TLCD4: variants seen among roughly 807,000 people sequenced by gnomAD.
TLCD4 encodes the protein TLC domain containing 4.
Under a neutral mutation model 24.2 loss-of-function variants are expected in TLCD4, and 7 were observed. That is an observed-to-expected ratio of 0.29 (90% CI 0.16 to 0.54). The LOEUF (loss-of-function observed/expected upper bound fraction) is 0.54, where lower values mean the gene tolerates loss of function less well. Among genes scored for constraint, TLCD4 ranks in the 20% least tolerant of loss-of-function variants. The pLI, the probability that TLCD4 is intolerant of heterozygous loss-of-function variation, is 0.95. For synonymous variants in TLCD4, 103 were observed against 106.4 expected (o/e 0.97, Z 0.20); for missense variants, 259 against 313.9 (o/e 0.82, Z 1.32).
intron 1 of TLCD4, among the ~76,000 whole-genome samples, chr1:95,123,917 A>G (rs1571722043): frequency 6.6e-6 from 1 of 152,288 alleles, no homozygotes; most frequent in African/African-American, 2.4e-5. Flanking sequence ...CATACTGCTT[A>G]TTTTATAATT....
intron 5 of TLCD4, 47 bp downstream of exon 5, chr1:95,151,466 A>G (rs767845917): frequency 1.6e-5 from 26 of 1,589,098 alleles, no homozygotes; most frequent in Non-Finnish European, 2.1e-5. Flanking sequence ...CAAGATTGGG[A>G]ATAGTGATGT....
At chr1:95,189,169 C>T (rs1678939089) in intron 6 of TLCD4, among the ~76,000 whole-genome samples, 1 of 152,104 alleles carries the variant, frequency 6.6e-6, no homozygotes, top group Non-Finnish European at 1.5e-5. Flanking sequence ...TTTGTTCAGT[C>T]CTGATATACA....
At chr1:95,130,293 C>T (rs938858900) in intron 1 of TLCD4, among the ~76,000 whole-genome samples, 2 of 147,944 alleles carry the variant, frequency 1.4e-5, no homozygotes, top group Admixed American at 6.8e-5. Context: ...GCTGGGACTA[C>T]AGGCACGTGC....
In TLCD4 at chr1:95,143,999, A is replaced by C; in HGVS notation, c.98A>C (p.Lys33Thr). The change falls in exon 2 of 7, where the codon AAA becomes ACA. Residue 33 changes from lysine (K) to threonine (T), a missense_variant. Physicochemically the swap from Lys to Thr is moderately conservative, Grantham distance 78. Coordinates refer to ENST00000370203, the MANE Select transcript of TLCD4 (RefSeq NM_152487.3). ...TTTGTAAGTTACTGGTTTTCAGCAA[A>C]AGTTTCTCCAGGTTTCAATAGTCTC... ...FYFVSYWFSA[K>T]VSPGFNSLSF... 3 of 1,573,454 alleles carry C rather than the reference A, an allele frequency of 1.9e-6. No individual in the cohort carries two copies. Among genetic ancestry groups the C allele is most frequent in the Non-Finnish European group, 2.6e-6 (3 of 1,160,756 alleles).
chr1:95,130,245 C>T (rs952978687), intron 1 of TLCD4, among the ~76,000 whole-genome samples: 2 of 152,040 alleles, frequency 1.3e-5, no homozygotes, highest in African/African-American at 2.4e-5. Context: ...CTCCGCCTCC[C>T]AGGTTCAAGG....
chr1:95,182,092 A>C (rs751613961), intron 6 of TLCD4, among the ~76,000 whole-genome samples: 2 of 152,238 alleles, frequency 1.3e-5, no homozygotes, highest in African/African-American at 4.8e-5. Flanking sequence ...GAGGCTGTCA[A>C]GCTCACAGTT....
chr1:95,116,444 G>C, upstream of TLCD4, among the ~76,000 whole-genome samples: 1 of 152,172 alleles, frequency 6.6e-6, no homozygotes, highest in Admixed American at 6.6e-5. Flanking sequence ...GATCAAATAT[G>C]TTAGCTCTAT....
intron 5 of TLCD4, among the ~76,000 whole-genome samples, chr1:95,163,035 T>C (rs934210791): frequency 6.6e-6 from 1 of 152,146 alleles, no homozygotes; most frequent in African/African-American, 2.4e-5. Flanking sequence ...TTTCCTGAAT[T>C]TGAATGTTGG....
chr1:95,152,696 G>A (rs1677523429), intron 5 of TLCD4, among the ~76,000 whole-genome samples: 1 of 152,100 alleles, frequency 6.6e-6, no homozygotes, highest in Admixed American at 6.6e-5. Context: ...GTAATTTAGA[G>A]CTTAATGAAT....
chr1:95,095,692 G>A, the TLCD4 span, among the ~76,000 whole-genome samples: 3 of 151,964 alleles, frequency 2.0e-5, no homozygotes, highest in African/African-American at 2.4e-5. Flanking sequence ...CCACCGCGCC[G>A]GCACCTCTTT....
chr1:95,157,614 A>G (rs1211303200), intron 5 of TLCD4, among the ~76,000 whole-genome samples: 1 of 152,258 alleles, frequency 6.6e-6, no homozygotes, highest in Non-Finnish European at 1.5e-5. Context: ...TTGACGTCTC[A>G]TGTGGGTGCT....
At chr1:95,160,610 T>C (rs1340799885) in intron 5 of TLCD4, among the ~76,000 whole-genome samples, 8 of 152,330 alleles carry the variant, frequency 5.3e-5, no homozygotes, top group African/African-American at 1.7e-4. Context: ...TGCTTCCAGT[T>C]TTTGCCCATT....
intron 1 of TLCD4, chr1:95,125,665 C>T (rs747151697): frequency 1.3e-4 from 20 of 152,202 alleles, no homozygotes; most frequent in Non-Finnish European, 2.5e-4. Context: ...TTAGAAACTC[C>T]TTGGCTGTCT....
intron 6 of TLCD4, among the ~76,000 whole-genome samples, chr1:95,187,786 G>T (rs1678876771): frequency 6.6e-6 from 1 of 152,000 alleles, no homozygotes; most frequent in South Asian, 2.1e-4. Context: ...AGTCTGGGTG[G>T]CTTAAATAAC....
At chr1:95,111,913 A>G in the TLCD4 span, among the ~76,000 whole-genome samples, 13 of 152,222 alleles carry the variant, frequency 8.5e-5, no homozygotes, top group Non-Finnish European at 1.3e-4. Flanking sequence ...GCGTTCTCAT[A>G]AACAAAACGT....
In TLCD4 at chr1:95,143,917, A is replaced by T; in HGVS notation, c.16A>T (p.Lys6Ter). 1 of 1,480,564 alleles carries T rather than the reference A, an allele frequency of 6.8e-7. No homozygotes were observed. Among genetic ancestry groups the T allele is most frequent in the Non-Finnish European group, 9.0e-7 (1 of 1,115,314 alleles). 91.7% of individuals were successfully genotyped at this position (1,480,564 alleles called of 1,614,324 possible). MEINT[K>*]LLISVTCISF... ...TTGAAGAAATATGGAGATCAACACA[A>T]AACTGCTCATCAGTGTTACCTGTAT... Residue 6 changes from lysine to a stop codon, truncating the protein, a stop_gained, in exon 2 of 7, where the codon AAA (lysine) becomes TAA (stop). Transcript: ENST00000370203. LOFTEE classifies it high-confidence loss of function.
In TLCD4 at chr1:95,191,599, A is replaced by G; in HGVS notation, c.523A>G (p.Ile175Val). 6.2e-7 allele frequency: 1 copy of G among 1,614,022 alleles called. No individual in the cohort carries two copies. Among genetic ancestry groups the G allele is most frequent in the Non-Finnish European group, 8.5e-7 (1 of 1,179,982 alleles). ...TCCCAAGTTTTCTAAAGCTATCGTT[A>G]TCAATGGAATACTCATGACAGTAGT... ...KYPKFSKAIV[I>V]NGILMTVVFF... The change falls in exon 7 of 7, where the codon ATC becomes GTC. Residue 175 changes from isoleucine to valine, a missense_variant. Ile to Val is a conservative substitution (Grantham distance 29, BLOSUM62 3). Transcript: ENST00000370203.
At chr1:95,126,004 A>G (rs542490312) in intron 1 of TLCD4, among the ~76,000 whole-genome samples, 1 of 150,580 alleles carries the variant, frequency 6.6e-6, no homozygotes, top group Non-Finnish European at 1.5e-5. Context: ...AAAAAAAAGG[A>G]AAAGAGGCCA....
chr1:95,113,945 A>T (rs967971728), upstream of TLCD4, among the ~76,000 whole-genome samples: 2 of 152,160 alleles, frequency 1.3e-5, no homozygotes, highest in African/African-American at 4.8e-5. Flanking sequence ...GCAGCATAGC[A>T]GACCCTATCT....
Sources: gnomAD v4.1 joint callset for allele counts (sites outside exome capture counted in the v4.1 genomes callset) on GRCh38, gnomAD v4.1.1 for gene constraint, MANE v1.5 for transcripts, NCBI Gene and HGNC (gene_info 2026-07-23, HGNC 2026-07-21) for gene names.